Variants in ATP2B2 observed in about 807,000 individuals in gnomAD.
ATP2B2 encodes the protein plasma membrane calcium-transporting ATPase 2.
Under a neutral mutation model 120.0 loss-of-function variants are expected in ATP2B2, and 15 were observed. The observed-to-expected ratio is 0.12, with a 90% confidence interval of 0.08 to 0.19. ATP2B2 has a LOEUF of 0.19. Among genes scored for constraint, ATP2B2 ranks in the 10% least tolerant of loss-of-function variants. The pLI, the probability that ATP2B2 is intolerant of heterozygous loss-of-function variation, is 1.00. For missense variants in ATP2B2, 1,045 were observed against 1,719.8 expected (o/e 0.61, Z 6.94); for synonymous variants, 694 against 700.3 (o/e 0.99, Z 0.14).
At chr3:10,508,384 T>C (rs375257487), upstream of ATP2B2, among the ~76,000 whole-genome samples, 7 of 152,284 alleles carry the variant, frequency 4.6e-5, no homozygotes, top group East Asian at 9.6e-4. Flanking sequence ...GACCACACTG[T>C]ATTGTGATGG....
At chr3:10,704,513 A>C (rs2071868339) in intron 1 of ATP2B2, among the ~76,000 whole-genome samples, 1 of 150,452 alleles carries the variant, frequency 6.6e-6, no homozygotes, top group African/African-American at 2.5e-5. Context: ...ACTGCAGAGC[A>C]TTAAATCTAG....
chr3:10,358,864 C>T lies in ATP2B2; in HGVS notation c.1963G>A (p.Glu655Lys), dbSNP rs267599520. 5.6e-6 allele frequency: 9 copies of T among 1,614,178 alleles called. No homozygotes were observed. Among genetic ancestry groups the T allele is most frequent in the African/African-American group, 2.7e-5 (2 of 75,050 alleles). The change falls in exon 14 of 23, where the codon GAG becomes AAG. Residue 655 changes from glutamate to lysine, a missense_variant. By Grantham distance (56) the Glu-to-Lys change is moderately conservative. Around this residue, in one of 11 missense-constraint regions of ATP2B2, gnomAD observed 343 missense variants for 536.8 expected, o/e 0.64. Transcript: ENST00000360273. ...PRVFRPRDRD[E>K]MVKKVIEPMA... ...GGCTCAATCACCTTCTTTACCATCTCGTCCCGGTCGCGGGGCCGGAAGACA... is the reference window on the plus strand; with the variant it reads ...GGCTCAATCACCTTCTTTACCATCTTGTCCCGGTCGCGGGGCCGGAAGACA...
chr3:10,478,052 C>A (rs1346247775), intron 1 of ATP2B2, among the ~76,000 whole-genome samples: 2 of 152,176 alleles, frequency 1.3e-5, no homozygotes, highest in Non-Finnish European at 2.9e-5. Flanking sequence ...TACCTATTTT[C>A]TGTTTTTTGG....
intron 3 of ATP2B2, among the ~76,000 whole-genome samples, chr3:10,407,493 G>C (rs944453877): frequency 6.6e-6 from 1 of 152,150 alleles, no homozygotes; most frequent in African/African-American, 2.4e-5. Flanking sequence ...AGAACTTCCT[G>C]AGTCTGTTCT....
intron 12 of ATP2B2, among the ~76,000 whole-genome samples, chr3:10,368,185 C>CTT (rs112756574): frequency 2.0e-5 from 3 of 149,022 alleles, no homozygotes; most frequent in Non-Finnish European, 4.5e-5. Context: ...TGCAAATACT[C>CTT]TTTTTTTTTT....
upstream of ATP2B2, among the ~76,000 whole-genome samples, chr3:10,508,881 C>A (rs1231776114): frequency 6.6e-6 from 1 of 152,162 alleles, no homozygotes; most frequent in Non-Finnish European, 1.5e-5. Context: ...CTTCTGCCTC[C>A]AGCATGATTT....
chr3:10,587,175 C>T lies in ATP2B2; in HGVS notation c.-415+32742G>A, dbSNP rs976716436. On this transcript the variant is annotated intron_variant, in intron 2 of 21. Coordinates refer to the ATP2B2 transcript ENST00000646379. ...AAAAAATTAGCTGTGTGTGGTGGCA[C>T]ATATCTGTAGTCCCAGCTACTAAGG... Among the ~76,000 whole-genome samples, 69 of 151,986 alleles carry T rather than the reference C, an allele frequency of 4.5e-4. 1 individual carries two copies. Among genetic ancestry groups the T allele is most frequent in the Non-Finnish European group, 1.5e-5 (1 of 67,992 alleles).
rs531902551 is a variant in ATP2B2, at chr3:10,652,802, G to A, written c.-459-32841C>T. On this transcript the variant is annotated intron_variant, in intron 1 of 21. Coordinates refer to the ATP2B2 transcript ENST00000646379. Reference sequence around the variant, plus strand: ...CAAAAAGAAAGGAAATCCAAAGGATGAATGTTGAGGATGTTATGCTGAGTG... The same window carrying A: ...CAAAAAGAAAGGAAATCCAAAGGATAAATGTTGAGGATGTTATGCTGAGTG... Among the ~76,000 whole-genome samples, 25 of 152,348 alleles carry A rather than the reference G, an allele frequency of 1.6e-4. 1 individual carries two copies. Among genetic ancestry groups the A allele is most frequent in the African/African-American group, 5.8e-4 (24 of 41,594 alleles).
chr3:10,693,521 T>C (rs968645111), intron 1 of ATP2B2, among the ~76,000 whole-genome samples: 4 of 152,368 alleles, frequency 2.6e-5, no homozygotes, highest in African/African-American at 7.2e-5. Flanking sequence ...AGCTTGATGC[T>C]TCCTTCATTT....
intron 14 of ATP2B2, among the ~76,000 whole-genome samples, chr3:10,354,980 G>A (rs1307797065): frequency 6.6e-6 from 1 of 152,156 alleles, no homozygotes; most frequent in African/African-American, 2.4e-5. Context: ...GCCACCATAA[G>A]CACACACGTT....
At chr3:10,575,422 A>G (rs1481072854) in intron 2 of ATP2B2, among the ~76,000 whole-genome samples, 1 of 152,238 alleles carries the variant, frequency 6.6e-6, no homozygotes, top group African/African-American at 2.4e-5. Context: ...AGTTCTAGGG[A>G]GGATTCAACG....
intron 1 of ATP2B2, among the ~76,000 whole-genome samples, chr3:10,480,527 C>T (rs1050827865): frequency 3.9e-5 from 6 of 152,156 alleles, no homozygotes; most frequent in African/African-American, 1.4e-4. Context: ...AGAACTGCCC[C>T]GCGCCTATGT....
At chr3:10,473,379 C>T (rs953431944) in intron 1 of ATP2B2, among the ~76,000 whole-genome samples, 8 of 152,194 alleles carry the variant, frequency 5.3e-5, no homozygotes, top group African/African-American at 1.9e-4. Context: ...TGCCTGTAAT[C>T]CCAGCACTTT....
intron 2 of ATP2B2, among the ~76,000 whole-genome samples, chr3:10,579,757 C>T (rs935353883): frequency 6.6e-6 from 1 of 152,144 alleles, no homozygotes; most frequent in African/African-American, 2.4e-5. Context: ...TTGCAGTGAG[C>T]TGAGATCATG....
At chr3:10,689,302 C>T (rs1575626437) in intron 1 of ATP2B2, among the ~76,000 whole-genome samples, 1 of 152,116 alleles carries the variant, frequency 6.6e-6, no homozygotes, top group Non-Finnish European at 1.5e-5. Context: ...ATGAAGCTTG[C>T]CTTTGCTGCT....
chr3:10,515,229 A>G (rs906415803), intron 3 of ATP2B2, among the ~76,000 whole-genome samples: 61 of 152,278 alleles, frequency 4.0e-4, no homozygotes, highest in African/African-American at 1.4e-3. Context: ...TGGGGCTAAC[A>G]ATACCTGCAA....
intron 1 of ATP2B2, among the ~76,000 whole-genome samples, chr3:10,661,198 T>C (rs1206345221): frequency 6.6e-6 from 1 of 152,046 alleles, no homozygotes; most frequent in African/African-American, 2.4e-5. Flanking sequence ...AAGACAAGGA[T>C]GCCCTCTCTC....
chr3:10,342,654 G>A lies in ATP2B2; in HGVS notation c.2917+98C>T. On this transcript the variant is annotated intron_variant, in intron 19 of 22. Transcript: ENST00000360273. This position sits in a 1 kb window ranked among gnomAD's most constrained non-coding sequence, Gnocchi z 4.4. ...CCTCAATTTCCCCATTAGCAAAACAGGAGGGGGTTGTGACTCGAGAATGCT... is the reference window on the plus strand; with the variant it reads ...CCTCAATTTCCCCATTAGCAAAACAAGAGGGGGTTGTGACTCGAGAATGCT... 2 of 1,428,750 alleles carry A rather than the reference G, an allele frequency of 1.4e-6. No homozygotes were observed. The highest frequency in any genetic ancestry group is 1.9e-6 in the Non-Finnish European group (2 of 1,026,718). The allele number at this position is 1,428,750 out of a possible 1,614,324, so 88.5% of individuals were successfully genotyped here.
Position 10,557,592 on chromosome 3 carries a change from G to A in ATP2B2, c.-414-23459C>T, listed in dbSNP as rs188209262. ...GAGCTGGCCTCTTGGGAACAGAGGA[G>A]AAACGGACTGGGCATTTAGGCAGGG... On this transcript the variant is annotated intron_variant, in intron 2 of 21. Coordinates refer to the ATP2B2 transcript ENST00000646379. Among the ~76,000 whole-genome samples, 110 of 152,362 alleles carry A rather than the reference G, an allele frequency of 7.2e-4. 1 individual carries two copies. The highest frequency in any genetic ancestry group is 6.8e-3 in the Admixed American group (104 of 15,312).
Sources: allele counts gnomAD v4.1 joint callset (sites outside exome capture counted in the v4.1 genomes callset), GRCh38; gene constraint gnomAD v4.1.1; regional missense constraint gnomAD v4.1.1; non-coding constraint Gnocchi (gnomAD v3.1); transcripts MANE v1.5; gene names NCBI Gene and HGNC (gene_info 2026-07-23, HGNC 2026-07-21).